The following SH3RF1 variants were observed in gnomAD, a reference collection of about 807,000 sequenced individuals.
SH3RF1 encodes SH3 domain containing ring finger 1.
Under a neutral mutation model 74.0 loss-of-function variants are expected in SH3RF1, and 32 were observed. The ratio of observed to expected loss-of-function variants is 0.43; its 90% CI spans 0.33 to 0.58. The LOEUF (loss-of-function observed/expected upper bound fraction) is 0.58, where lower values mean the gene tolerates loss of function less well. Ranked by LOEUF, SH3RF1 falls within the 20% of genes least tolerant of loss-of-function variation. SH3RF1 has a pLI of 0.05. For missense variants in SH3RF1, 954 were observed against 1,130.9 expected (o/e 0.84, Z 2.24); for synonymous variants, 396 against 439.6 (o/e 0.90, Z 1.24).
chr4:169,225,710 A>T (rs893442284), intron 2 of SH3RF1, among the ~76,000 whole-genome samples: 3 of 152,190 alleles, frequency 2.0e-5, no homozygotes, highest in African/African-American at 7.2e-5. Flanking sequence ...ATAAAAGGAA[A>T]GTGATAAAAG....
At chr4:169,247,706 T>C (rs755100228) in intron 2 of SH3RF1, among the ~76,000 whole-genome samples, 30 of 152,106 alleles carry the variant, frequency 2.0e-4, no homozygotes, top group Non-Finnish European at 3.2e-4. Flanking sequence ...ATGACATTCC[T>C]GCACACGACA....
chr4:169,130,573 G>A (rs1343348221), intron 5 of SH3RF1, among the ~76,000 whole-genome samples: 4 of 152,106 alleles, frequency 2.6e-5, no homozygotes, highest in Admixed American at 6.6e-5. Flanking sequence ...CTATCAATAC[G>A]TTAAATCTAT....
At position 169,211,107 on chromosome 4, in the gene SH3RF1, A is replaced by T. The variant is rs1730353619; in HGVS notation, c.394-54428T>A. Among the ~76,000 whole-genome samples, 3 of 152,332 alleles carry T rather than the reference A, an allele frequency of 2.0e-5. No homozygotes were observed. The South Asian group carries it at 6.2e-4, about 32-fold the overall frequency. Reference sequence around the variant, plus strand: ...AAAAGACAAAACACTTATATCCTTAAACCCAAAATCCCATAAAATATCTCT... The same window carrying T: ...AAAAGACAAAACACTTATATCCTTATACCCAAAATCCCATAAAATATCTCT... On this transcript the variant is annotated intron_variant, in intron 2 of 11. Transcript: ENST00000284637.
intron 2 of SH3RF1, among the ~76,000 whole-genome samples, chr4:169,205,366 C>A (rs978295808): frequency 1.3e-5 from 2 of 152,152 alleles, no homozygotes; most frequent in African/African-American, 4.8e-5. Flanking sequence ...AGATTTCTAT[C>A]ATAAAAACTA....
At chr4:169,170,635 G>A (rs117587744) in intron 2 of SH3RF1, among the ~76,000 whole-genome samples, 10 of 152,200 alleles carry the variant, frequency 6.6e-5, no homozygotes, top group Admixed American at 5.2e-4. Context: ...TCCTGGGGGC[G>A]CAACACACAG....
intron 2 of SH3RF1, among the ~76,000 whole-genome samples, chr4:169,242,035 A>G (rs1482802668): frequency 1.3e-5 from 2 of 152,220 alleles, no homozygotes; most frequent in Non-Finnish European, 2.9e-5. Flanking sequence ...AATGAAGATT[A>G]TATGTCAAAG....
intron 2 of SH3RF1, among the ~76,000 whole-genome samples, chr4:169,157,046 T>C (rs1004834287): frequency 3.9e-5 from 6 of 152,228 alleles, no homozygotes; most frequent in Non-Finnish European, 7.3e-5. Flanking sequence ...CATTAACTAC[T>C]TTATTCATCA....
At chr4:169,150,997 T>TA (rs1184526684) in intron 4 of SH3RF1, among the ~76,000 whole-genome samples, 1 of 152,112 alleles carries the variant, frequency 6.6e-6, no homozygotes, top group Admixed American at 6.5e-5. Context: ...AACACCAAGA[T>TA]AAACCAATGA....
At chr4:169,223,612 T>C (rs2660409) in intron 2 of SH3RF1, among the ~76,000 whole-genome samples, 73,214 of 152,084 alleles carry the variant, frequency 0.48, 18,595 homozygotes, top group East Asian at 0.78. Context: ...GCTTGGAGCT[T>C]ACTTTCTTTT....
At chr4:169,265,200 T>C (rs1376547641) in intron 2 of SH3RF1, among the ~76,000 whole-genome samples, 4 of 152,192 alleles carry the variant, frequency 2.6e-5, no homozygotes, top group Non-Finnish European at 5.9e-5. Context: ...GGACTACACA[T>C]TCAAAAGCTA....
intron 2 of SH3RF1, among the ~76,000 whole-genome samples, chr4:169,161,122 T>C (rs535776647): frequency 1.3e-5 from 2 of 152,192 alleles, no homozygotes; most frequent in South Asian, 4.1e-4. Context: ...TGGCTACACA[T>C]GAAAGGGATG....
intron 2 of SH3RF1, among the ~76,000 whole-genome samples, chr4:169,176,121 G>A (rs1734417621): frequency 6.6e-6 from 1 of 152,154 alleles, no homozygotes; most frequent in Non-Finnish European, 1.5e-5. Context: ...CCAGCTCCTT[G>A]AGCTTGGACT....
intron 11 of SH3RF1, among the ~76,000 whole-genome samples, chr4:169,098,666 A>G (rs1579080505): frequency 6.6e-6 from 1 of 152,318 alleles, no homozygotes. Flanking sequence ...ATATTCATAG[A>G]CCACAAGGCT....
chr4:169,175,415 C>T (rs1486732139), intron 2 of SH3RF1, among the ~76,000 whole-genome samples: 2 of 151,998 alleles, frequency 1.3e-5, no homozygotes, highest in African/African-American at 4.8e-5. Context: ...CCCATCCCTA[C>T]ATCCTACTCC....
chr4:169,172,934 C>A (rs1003836791), intron 2 of SH3RF1, among the ~76,000 whole-genome samples: 5 of 152,152 alleles, frequency 3.3e-5, no homozygotes, highest in Non-Finnish European at 7.4e-5. Flanking sequence ...ATTTTAGAAT[C>A]TTCTTTGAGG....
chr4:169,255,333 G>C (rs562497519), intron 2 of SH3RF1, among the ~76,000 whole-genome samples: 1 of 152,232 alleles, frequency 6.6e-6, no homozygotes, highest in East Asian at 1.9e-4. Context: ...TGCAGCATTT[G>C]CAAAATGCAT....
At chr4:169,209,049 G>C (rs1314478361) in intron 2 of SH3RF1, among the ~76,000 whole-genome samples, 3 of 152,140 alleles carry the variant, frequency 2.0e-5, no homozygotes, top group Admixed American at 2.0e-4. Context: ...CAGCACTTTG[G>C]GAGGCTGAGG....
chr4:169,154,115 G>A (rs370932503), intron 4 of SH3RF1, among the ~76,000 whole-genome samples: 4 of 152,168 alleles, frequency 2.6e-5, no homozygotes, highest in African/African-American at 9.7e-5. Flanking sequence ...GGAAGTGCTT[G>A]TAGTTTCCCA....
chr4:169,194,554 T>C (rs1734779561), intron 2 of SH3RF1, among the ~76,000 whole-genome samples: 1 of 152,240 alleles, frequency 6.6e-6, no homozygotes, highest in African/African-American at 2.4e-5. Flanking sequence ...GTCAGTTTAT[T>C]ACTTTTCATT....
Sources: gnomAD v4.1 joint callset for allele counts (sites outside exome capture counted in the v4.1 genomes callset) on GRCh38, gnomAD v4.1.1 for gene constraint, MANE v1.5 for transcripts, NCBI Gene and HGNC (gene_info 2026-07-23, HGNC 2026-07-21) for gene names.